The following ERICH6B variants were observed in gnomAD, a reference collection of about 807,000 sequenced individuals.
The protein encoded by ERICH6B is glutamate rich 6B.
ERICH6B carries 69 observed loss-of-function variants against 80.0 expected under a neutral mutation model. The observed-to-expected ratio is 0.86, with a 90% confidence interval of 0.71 to 1.05. The LOEUF is 1.05. Among genes scored for constraint, ERICH6B ranks in the 50% least tolerant of loss-of-function variants. The probability of loss-of-function intolerance (pLI) is 0.00; values close to 1 mark genes in which losing one functional copy is unlikely to be tolerated. For synonymous variants in ERICH6B, 283 were observed against 291.9 expected (o/e 0.97, Z 0.31); for missense variants, 754 against 796.1 (o/e 0.95, Z 0.64).
At chr13:45,582,199 T>G (rs80355512) in intron 5 of ERICH6B, among the ~76,000 whole-genome samples, 1,552 of 152,318 alleles carry the variant, frequency 0.01, 18 homozygotes, top group African/African-American at 0.035. Flanking sequence ...CCAAGCTCCT[T>G]CTAGTTCTTA....
At chr13:45,608,669 T>A (rs1359548586) in intron 1 of ERICH6B, among the ~76,000 whole-genome samples, 1 of 152,228 alleles carries the variant, frequency 6.6e-6, no homozygotes, top group Non-Finnish European at 1.5e-5. Context: ...CTTTCTCCCC[T>A]GCAGTGGCTA....
At chr13:45,610,535 G>T (rs542941283) in intron 1 of ERICH6B, among the ~76,000 whole-genome samples, 1 of 152,298 alleles carries the variant, frequency 6.6e-6, no homozygotes, top group Non-Finnish European at 1.5e-5. Context: ...AATTGATTTT[G>T]TTTGTGCAGC....
intron 2 of ERICH6B, 75 bp from the exon 3 acceptor site, chr13:45,597,138 C>T: frequency 1.9e-6 from 2 of 1,065,158 alleles, no homozygotes; most frequent in South Asian, 1.7e-5. Context: ...CATTTTTGTT[C>T]ACTTATTTCA....
Position 45,596,871 on chromosome 13 carries a change from A to T in ERICH6B, c.135T>A (p.Asp45Glu), listed in dbSNP as rs1174517850. The change falls in exon 3 of 15, where the codon GAT becomes GAA. Residue 45 changes from aspartate to glutamate, a missense_variant. Physicochemically the swap from Asp to Glu is conservative, Grantham distance 45. Transcript: ENST00000298738. ...CTCCCTCTGGAGAAAATGGAGATTC[A>T]TCCTGTAGACTTTCCTCATCTAGTT... ...EVELDEESLQ[D>E]ESPFSPEGES... The T allele has an allele frequency of 3.9e-6, 6 of 1,551,826 alleles. No individual in the cohort carries two copies. Among genetic ancestry groups the T allele is most frequent in the Non-Finnish European group, 5.2e-6 (6 of 1,147,018 alleles).
intron 13 of ERICH6B, among the ~76,000 whole-genome samples, chr13:45,549,206 C>G (rs141591587): frequency 6.6e-6 from 1 of 151,904 alleles, no homozygotes; most frequent in Non-Finnish European, 1.5e-5. Flanking sequence ...ATTGCTTGAA[C>G]CGGGGAGGCA....
intron 2 of ERICH6B, among the ~76,000 whole-genome samples, chr13:45,601,778 C>G (rs1259329531): frequency 2.0e-5 from 3 of 152,160 alleles, no homozygotes; most frequent in African/African-American, 7.2e-5. Context: ...GTAAGACAAG[C>G]CTACAGGTGG....
At position 45,544,935 on chromosome 13, in the gene ERICH6B, T is replaced by C. The variant is rs1386174115; in HGVS notation, c.1697A>G (p.Gln566Arg). The change falls in exon 14 of 15, where the codon CAG becomes CGG. Residue 566 changes from glutamine (Q) to arginine (R), a missense_variant. Physicochemically the swap from Gln to Arg is conservative, Grantham distance 43. Transcript: ENST00000298738. ...LGYYFPKDKR[Q>R]KAWNWWNLNI... ...CAGATTCCACCAGTTCCAGGCCTTC[T>C]GGCGTTTGTCTTTGGGGAAGTAGTA... is the stretch of plus-strand genomic sequence containing the variant. 1 of 1,551,642 alleles carries C rather than the reference T, an allele frequency of 6.4e-7. No individual in the cohort carries two copies. Among genetic ancestry groups the C allele is most frequent in the Non-Finnish European group, 8.7e-7 (1 of 1,147,006 alleles).
chr13:45,555,329 G>C (rs1566287143), intron 11 of ERICH6B: 1 of 152,230 alleles, frequency 6.6e-6, no homozygotes, highest in Non-Finnish European at 1.5e-5. Flanking sequence ...GTCTATAGGA[G>C]TTCTGACTGG....
chr13:45,561,688 C>G (rs1025916545), intron 10 of ERICH6B, among the ~76,000 whole-genome samples, 162 bp from the exon 11 acceptor site: 1 of 152,114 alleles, frequency 6.6e-6, no homozygotes, highest in East Asian at 1.9e-4. Context: ...AAGATTAAGG[C>G]CTTTGAAGAG....
In ERICH6B at chr13:45,568,477, A is replaced by T. The variant is rs1875018099; in HGVS notation, c.1051-26T>A. 4.1e-6 allele frequency: 6 copies of T among 1,465,792 alleles called. No homozygotes were observed. In the African/African-American group the frequency reaches 5.8e-5, roughly 14 times the overall value. The allele number at this position is 1,465,792 out of a possible 1,614,324, so 90.8% of individuals were successfully genotyped here. A position where few individuals can be genotyped will look rare whatever the true frequency, so the allele number is the denominator to read the frequency against. ...CTACAAAAGGATCAAAGAATGAAAT[A>T]TTCAGAAAATGGAAATTAATGATTT... On this transcript the variant is annotated intron_variant, in intron 8 of 14. Coordinates refer to ENST00000298738, the MANE Select transcript of ERICH6B (RefSeq NM_182542.3).
At chr13:45,574,816 G>A (rs373461118) in intron 8 of ERICH6B, 26 bp downstream of exon 8, 5 of 1,510,628 alleles carry the variant, frequency 3.3e-6, no homozygotes, top group Admixed American at 3.9e-5. Context: ...GCTGGGGGGG[G>A]GGTCTCAAGT....
intron 9 of ERICH6B, among the ~76,000 whole-genome samples, chr13:45,564,241 TATC>T (rs1419016748): frequency 1.3e-5 from 2 of 152,214 alleles, no homozygotes; most frequent in African/African-American, 4.8e-5. Flanking sequence ...CAAAAGGACT[TATC>T]ATGAAAGCCA....
rs536637468 is a variant in ERICH6B at position 45,590,727 on chromosome 13, T to C, written c.638-30A>G. ...TGGAAAAAAGAATAAAAAAGCAATA[T>C]TGGCAAAAAAGCATCTTTCTTTCTA... On this transcript the variant is annotated intron_variant, in intron 3 of 14. Coordinates refer to ENST00000298738, the MANE Select transcript of ERICH6B (RefSeq NM_182542.3). 5.2e-6 allele frequency: 8 copies of C among 1,540,048 alleles called. No individual in the cohort carries two copies. The East Asian group carries it at 9.8e-5, about 19-fold the overall frequency.
intron 11 of ERICH6B, among the ~76,000 whole-genome samples, chr13:45,555,033 G>A (rs745584821): frequency 6.6e-6 from 1 of 152,202 alleles, no homozygotes; most frequent in East Asian, 1.9e-4. Context: ...AGATCTTGGT[G>A]AGAATCTTCC....
rs559327759 is a variant in ERICH6B at position 45,574,082 on chromosome 13, G to GT, written c.1050+759dup. 3.3e-5 allele frequency among the ~76,000 whole-genome samples: 5 copies of GT among 152,230 alleles called. No individual in the cohort carries two copies. The South Asian group carries it at 8.3e-4, about 25-fold the overall frequency. ...AAACATTTACAAAATGAAATATTTA[G>GT]TTTTTTGCATTTTCTTTTATAAATT... On this transcript the variant is annotated intron_variant, in intron 8 of 14. Transcript: ENST00000298738.
At chr13:45,562,488 T>C (rs183341929) in intron 10 of ERICH6B, among the ~76,000 whole-genome samples, 50 of 152,288 alleles carry the variant, frequency 3.3e-4, no homozygotes, top group Admixed American at 3.2e-3. Context: ...TTTTGATAAG[T>C]GCTTAACAGT....
At chr13:45,573,934 T>C (rs1875274950) in intron 8 of ERICH6B, among the ~76,000 whole-genome samples, 1 of 152,236 alleles carries the variant, frequency 6.6e-6, no homozygotes, top group Admixed American at 6.5e-5. Flanking sequence ...TCTAAATTTA[T>C]GTCATTTTTT....
chr13:45,587,475 A>G (rs1291806223), intron 4 of ERICH6B, among the ~76,000 whole-genome samples: 1 of 152,212 alleles, frequency 6.6e-6, no homozygotes, highest in Non-Finnish European at 1.5e-5. Flanking sequence ...GGCTACCTTC[A>G]AAGGCCACTG....
In ERICH6B at chr13:45,574,892, T is replaced by C. The variant is rs1291911004; in HGVS notation, c.1000A>G (p.Ile334Val). 1.9e-6 allele frequency: 3 copies of C among 1,551,616 alleles called. No homozygotes were observed. Among genetic ancestry groups the C allele is most frequent in the Non-Finnish European group, 2.6e-6 (3 of 1,146,966 alleles). The change falls in exon 8 of 15, where the codon ATA (isoleucine) becomes GTA (valine). Residue 334 changes from isoleucine (I) to valine (V), a missense_variant. Ile to Val is a conservative substitution (Grantham distance 29). Transcript: ENST00000298738. ...FASKENFWDG[I>V]TDESIDKLEV... is the part of the protein sequence containing the mutation. ...AGCTTGTCAATGGACTCATCTGTTA[T>C]ACCATCCCAAAAGTTCTCTTTAGAA...
Sources: allele counts gnomAD v4.1 joint callset (sites outside exome capture counted in the v4.1 genomes callset), GRCh38; gene constraint gnomAD v4.1.1; transcripts MANE v1.5; gene names NCBI Gene and HGNC (gene_info 2026-07-23, HGNC 2026-07-21).